M1AP: variants seen among roughly 807,000 people sequenced by gnomAD.
The protein encoded by M1AP is meiosis 1 associated protein.
In M1AP, 39 loss-of-function variants were observed where a neutral mutation model predicts 51.2. That is an observed-to-expected ratio of 0.76 (90% CI 0.59 to 1.00). The LOEUF (loss-of-function observed/expected upper bound fraction) is 1.00. Ranked by LOEUF, M1AP falls within the 50% of genes least tolerant of loss-of-function variation. The pLI, the probability that M1AP is intolerant of heterozygous loss-of-function variation, is 0.00. For synonymous variants in M1AP, 251 were observed against 249.2 expected, an observed-to-expected ratio of 1.01 and a Z score of -0.07; for missense variants, 545 against 641.2, an observed-to-expected ratio of 0.85 and a Z score of 1.62.
intron 1 of M1AP, among the ~76,000 whole-genome samples, chr2:74,644,057 T>C (rs10191085): frequency 0.011 from 1,670 of 152,154 alleles, 21 homozygotes; most frequent in African/African-American, 0.025. Context: ...ACAAAAGAAA[T>C]ATGATAAAAA....
At chr2:74,621,932 A>AC (rs1322106558) in intron 2 of M1AP, among the ~76,000 whole-genome samples, 1 of 149,044 alleles carries the variant, frequency 6.7e-6, no homozygotes, top group Middle Eastern at 3.3e-3. Flanking sequence ...ACATGGTGAA[A>AC]CCCCACATCT....
At chr2:74,610,931 T>C (rs1362152544) in intron 3 of M1AP, among the ~76,000 whole-genome samples, 1 of 152,230 alleles carries the variant, frequency 6.6e-6, no homozygotes, top group Non-Finnish European at 1.5e-5. Context: ...TCCATGAAGA[T>C]GGTTTATGTC....
At chr2:74,567,369 G>A (rs1170886827) in intron 7 of M1AP, among the ~76,000 whole-genome samples, 1 of 152,198 alleles carries the variant, frequency 6.6e-6, no homozygotes, top group Non-Finnish European at 1.5e-5. Flanking sequence ...GCTGTCTGTG[G>A]CTTCTTATTG....
intron 4 of M1AP, among the ~76,000 whole-genome samples, chr2:74,603,948 T>C (rs549495451): frequency 1.3e-5 from 2 of 152,082 alleles, no homozygotes; most frequent in African/African-American, 4.8e-5. Context: ...TGCATAACCA[T>C]GAAAAAGGCC....
chr2:74,576,228 A>T lies in M1AP; in HGVS notation c.932+228T>A, dbSNP rs1216487942. On this transcript the variant is annotated intron_variant, in intron 6 of 10. Transcript: ENST00000421985. ...GTCAAAAGAAAAACAATCCTCATGC[A>T]GACCTCAGAGTGTTCTACTGCAGCG... Among the ~76,000 whole-genome samples the T allele has an allele frequency of 2.0e-5, 3 of 152,246 alleles. No homozygotes were observed. In the East Asian group the frequency reaches 5.8e-4, roughly 29 times the overall value.
At chr2:74,559,217 G>A (rs1309860184) in intron 10 of M1AP, among the ~76,000 whole-genome samples, 5 of 151,676 alleles carry the variant, frequency 3.3e-5, no homozygotes, top group Non-Finnish European at 1.5e-5. Context: ...GGAGTGCAGT[G>A]GCACAATCTT....
chr2:74,633,634 C>T (rs1326593933), intron 2 of M1AP, among the ~76,000 whole-genome samples: 1 of 152,160 alleles, frequency 6.6e-6, no homozygotes, highest in Non-Finnish European at 1.5e-5. Flanking sequence ...TGTCATGGTC[C>T]TTATACCTAT....
chr2:74,647,466 C>T lies in M1AP; in HGVS notation c.-53+799G>A, dbSNP rs13389561. The T allele has an allele frequency of 0.016, 14,139 of 865,426 alleles. 1,116 individuals are homozygous for T. In the African/African-American group the frequency reaches 0.2, roughly 12 times the overall value. The allele number at this position is 865,426 out of a possible 1,614,324, so 53.6% of individuals were successfully genotyped here. ...AAGGCACTTTCGTCTTCGTGGACCC[C>T]TTCCTCCATTAAAAAAAGATTAAAA... On this transcript the variant is annotated intron_variant, in intron 1 of 10. Transcript: ENST00000421985.
intron 4 of M1AP, among the ~76,000 whole-genome samples, chr2:74,584,838 TA>T (rs1402128672): frequency 1.7e-4 from 26 of 148,740 alleles, no homozygotes; most frequent in South Asian, 4.2e-4. Flanking sequence ...ATTTTATTAT[TA>T]TTTTTTTATT....
chr2:74,600,946 T>A (rs1680639609), intron 4 of M1AP, among the ~76,000 whole-genome samples: 1 of 152,098 alleles, frequency 6.6e-6, no homozygotes, highest in Non-Finnish European at 1.5e-5. Flanking sequence ...AAGGCATATA[T>A]AAGAAGGACT....
At position 74,615,033 on chromosome 2, in the gene M1AP, C is replaced by G; in HGVS notation, c.357G>C (p.Gly119=). Residue 119 remains glycine, a synonymous_variant, in exon 3 of 11, where the codon GGG becomes GGC. Transcript: ENST00000421985. ...TGCTGTATTGTTTGAATTGCTGGAG[C>G]CCATCCTCTACTGCCAGCCGCAGAG... The part of the protein sequence containing the change: ...GASLRLAVED[G]LQQFKQYSRH... The G allele has an allele frequency of 6.2e-7, 1 of 1,614,162 alleles. No homozygotes were observed.
intron 4 of M1AP, among the ~76,000 whole-genome samples, chr2:74,603,436 T>G (rs1349837278): frequency 2.6e-5 from 4 of 152,164 alleles, no homozygotes; most frequent in Non-Finnish European, 4.4e-5. Context: ...TATAATTAAG[T>G]GCTAAATTAC....
chr2:74,628,429 T>C (rs1682522857), intron 2 of M1AP: 7 of 391,060 alleles, frequency 1.8e-5, no homozygotes, highest in South Asian at 1.7e-4. Context: ...TTACACCTGA[T>C]GTAACCATAT....
intron 2 of M1AP, among the ~76,000 whole-genome samples, chr2:74,624,095 G>A (rs1213651228): frequency 2.0e-5 from 3 of 152,092 alleles, no homozygotes; most frequent in South Asian, 4.2e-4. Context: ...CTTGAAATAG[G>A]CTGACACTCA....
In M1AP at chr2:74,615,105, T is replaced by C. The variant is rs776327626; in HGVS notation, c.285A>G (p.Glu95=). ...NFARLQTCIS[E]LRMLQREGCF... is the part of the protein sequence containing the mutation. Reference sequence around the variant, plus strand: ...ACCCTTCTCTCTGTAACATGCGGAGTTCTGAGATGCAGGTCTGCAACCTAG... The same window carrying C: ...ACCCTTCTCTCTGTAACATGCGGAGCTCTGAGATGCAGGTCTGCAACCTAG... The change falls in exon 3 of 11, where the codon GAA becomes GAG. Residue 95 remains glutamate, a synonymous_variant. Transcript: ENST00000421985. 2.4e-5 allele frequency: 39 copies of C among 1,614,078 alleles called. No homozygotes were observed. The highest frequency in any genetic ancestry group is 1.6e-4 in the Middle Eastern group (1 of 6,062).
intron 3 of M1AP, among the ~76,000 whole-genome samples, chr2:74,610,670 A>G (rs555854863): frequency 6.6e-6 from 1 of 152,246 alleles, no homozygotes; most frequent in African/African-American, 2.4e-5. Context: ...TGTCCAGGCC[A>G]GTCTTGATCC....
chr2:74,577,580 G>T (rs1457300769), intron 5 of M1AP, among the ~76,000 whole-genome samples: 2 of 152,212 alleles, frequency 1.3e-5, no homozygotes. Context: ...AAATAGAGTG[G>T]CAGAACAGAT....
At chr2:74,613,938 AC>A (rs1349986845) in intron 3 of M1AP, among the ~76,000 whole-genome samples, 1 of 152,152 alleles carries the variant, frequency 6.6e-6, no homozygotes, top group Admixed American at 6.5e-5. Context: ...ATAGGTGCAC[AC>A]CACCAAGCCT....
Position 74,589,584 on chromosome 2 carries a change from A to C in M1AP, c.596-7737T>G, listed in dbSNP as rs553700323. Among the ~76,000 whole-genome samples the C allele has an allele frequency of 3.3e-5, 5 of 152,370 alleles. No homozygotes were observed. The East Asian group carries it at 9.6e-4, about 29-fold the overall frequency. Reference sequence around the variant, plus strand: ...GCTTGTGTAAGGTGCCACATGTCCCAGCCCAGCTTTACCGCTTATGCTTTC... The same window carrying C: ...GCTTGTGTAAGGTGCCACATGTCCCCGCCCAGCTTTACCGCTTATGCTTTC... On this transcript the variant is annotated intron_variant, in intron 4 of 10. Transcript: ENST00000421985.
Sources: gnomAD v4.1 joint callset for allele counts (sites outside exome capture counted in the v4.1 genomes callset) on GRCh38, gnomAD v4.1.1 for gene constraint, MANE v1.5 for transcripts, NCBI Gene and HGNC (gene_info 2026-07-23, HGNC 2026-07-21) for gene names.